Variants in LRRC9 observed in about 807,000 individuals in gnomAD.
The protein encoded by LRRC9 is leucine rich repeat containing 9.
In LRRC9, 122 loss-of-function variants were observed where a neutral mutation model predicts 63.2. That is an observed-to-expected ratio of 1.93 (90% confidence interval 1.67 to 2.24). The LOEUF (loss-of-function observed/expected upper bound fraction) is 2.24, where lower values mean the gene tolerates loss of function less well. Among genes scored for constraint, LRRC9 ranks in the 30% most tolerant of loss-of-function variants. The probability of loss-of-function intolerance (pLI) is 0.00; values close to 1 mark genes in which losing one functional copy is unlikely to be tolerated. For synonymous variants in LRRC9, 366 were observed against 213.1 expected (o/e 1.72, Z -6.25); for missense variants, 1,071 against 627.7 (o/e 1.71, Z -7.55).
chr14:59,977,502 TAC>T (rs2140076374), intron 14 of LRRC9, among the ~76,000 whole-genome samples, 155 bp downstream of exon 14: 1 of 152,144 alleles, frequency 6.6e-6, no homozygotes, highest in Admixed American at 6.5e-5. Flanking sequence ...TTATATTCCC[TAC>T]ATCAAAGACA....
At chr14:60,002,168 C>A in intron 20 of LRRC9, 68 bp downstream of exon 20, 2 of 613,028 alleles carry the variant, frequency 3.3e-6, no homozygotes, top group South Asian at 3.9e-5. Context: ...CAGTGTTGGT[C>A]TGTGTATCAT....
chr14:60,029,322 C>T (rs762234907), intron 28 of LRRC9, among the ~76,000 whole-genome samples: 3 of 152,174 alleles, frequency 2.0e-5, no homozygotes, highest in East Asian at 1.9e-4. Context: ...ACATCACACA[C>T]GCCATCGAGC....
intron 12 of LRRC9, among the ~76,000 whole-genome samples, chr14:59,969,952 G>A (rs1249467609): frequency 6.6e-6 from 1 of 152,102 alleles, no homozygotes; most frequent in Non-Finnish European, 1.5e-5. Flanking sequence ...CTTATATAGT[G>A]TGTCTAAAAC....
Position 59,952,483 on chromosome 14 carries a change from G to T in LRRC9, c.883-7335G>T, listed in dbSNP as rs34355067. Among the ~76,000 whole-genome samples the T allele has an allele frequency of 6.3e-3, 964 of 152,304 alleles. 5 individuals carry two copies. The highest frequency in any genetic ancestry group is 0.01 in the Non-Finnish European group (712 of 68,022). ...TTCTGCGTCGCTCACGCTGGGAGCT[G>T]TAGACCAGAGCTGTTCCTATTCGGC... is the stretch of plus-strand genomic sequence containing the variant. On this transcript the variant is annotated intron_variant, in intron 8 of 31. Coordinates refer to ENST00000445360, the Ensembl canonical transcript of LRRC9.
chr14:59,930,427 C>T lies in LRRC9; in HGVS notation c.268-491C>T, dbSNP rs1889600034. Among the ~76,000 whole-genome samples the T allele has an allele frequency of 6.6e-6, 1 of 151,826 alleles. No individual in the cohort carries two copies. The highest frequency in any genetic ancestry group is 2.4e-5 in the African/African-American group (1 of 41,358). On this transcript the variant is annotated intron_variant, in intron 3 of 31. Transcript: ENST00000445360. The surrounding 1 kb of genome is among the most constrained non-coding windows in gnomAD (Gnocchi z 4.9). ...CTAAAAATTTGAAACATAAATATGC[C>T]ATACATCAGGTAATTTTTCAGAAAA... is the stretch of plus-strand genomic sequence containing the variant.
chr14:60,056,271 G>C (rs1204700171), intron 30 of LRRC9, among the ~76,000 whole-genome samples: 2 of 152,160 alleles, frequency 1.3e-5, no homozygotes, highest in Non-Finnish European at 2.9e-5. Context: ...TCCAGTGAAA[G>C]ACCTATGAAA....
At chr14:59,956,411 G>T (rs528121591) in intron 8 of LRRC9, among the ~76,000 whole-genome samples, 2 of 151,968 alleles carry the variant, frequency 1.3e-5, no homozygotes, top group South Asian at 2.1e-4. Context: ...TGTCTTTTTT[G>T]ATCTTTGCTG....
At chr14:59,939,875 T>C (rs1435608175) in intron 7 of LRRC9, among the ~76,000 whole-genome samples, 1 of 152,002 alleles carries the variant, frequency 6.6e-6, no homozygotes, top group East Asian at 1.9e-4. Flanking sequence ...TATATGAGTC[T>C]ACTATGTAGG....
intron 17 of LRRC9, among the ~76,000 whole-genome samples, chr14:59,992,056 AC>A (rs1488743645): frequency 6.6e-6 from 1 of 151,838 alleles, no homozygotes; most frequent in African/African-American, 2.4e-5. Flanking sequence ...ACTGGGAGGC[AC>A]CCCCCAGTAA....
At chr14:60,002,667 T>C (rs1160917642) in intron 20 of LRRC9, among the ~76,000 whole-genome samples, 1 of 151,932 alleles carries the variant, frequency 6.6e-6, no homozygotes, top group African/African-American at 2.4e-5. Flanking sequence ...TTCCAAAAAA[T>C]AAAAAACAGG....
chr14:59,966,122 A>T lies in LRRC9; in HGVS notation c.1212-467A>T, dbSNP rs1884834260. ...GGTAGTTGGATATTCAAGTCTGGGT[A>T]TAACCAGCTAAGTTGAGTAGAGATC... On this transcript the variant is annotated intron_variant, in intron 10 of 31. Transcript: ENST00000445360. The surrounding 1 kb of genome is among the most constrained non-coding windows in gnomAD (Gnocchi z 4.0). 6.6e-6 allele frequency among the ~76,000 whole-genome samples: 1 copy of T among 152,088 alleles called. No homozygotes were observed. Among genetic ancestry groups the T allele is most frequent in the Non-Finnish European group, 1.5e-5 (1 of 68,016 alleles).
chr14:59,968,289 G>A (rs1318470470), intron 12 of LRRC9, among the ~76,000 whole-genome samples: 1 of 152,142 alleles, frequency 6.6e-6, no homozygotes, highest in African/African-American at 2.4e-5. Context: ...GAGGTAGGGA[G>A]TTACTGTTTA....
chr14:59,932,743 T>C lies in LRRC9; in HGVS notation c.543+704T>C, dbSNP rs952409589. 1.2e-4 allele frequency among the ~76,000 whole-genome samples: 19 copies of C among 152,116 alleles called. No individual in the cohort carries two copies. Among genetic ancestry groups the C allele is most frequent in the African/African-American group, 3.9e-4 (16 of 41,432 alleles). ...ACCAAGCTGATTCAAGACACTATCATCTCTAACCTGCATTAATGAAAAATA... is the reference window on the plus strand; with the variant it reads ...ACCAAGCTGATTCAAGACACTATCACCTCTAACCTGCATTAATGAAAAATA... On this transcript the variant is annotated intron_variant, in intron 6 of 31. Coordinates refer to ENST00000445360, the Ensembl canonical transcript of LRRC9. The surrounding 1 kb of genome is among the most constrained non-coding windows in gnomAD (Gnocchi z 4.7).
intron 23 of LRRC9, among the ~76,000 whole-genome samples, chr14:60,010,514 A>G (rs905695741): frequency 1.9e-4 from 29 of 152,150 alleles, no homozygotes; most frequent in Admixed American, 4.6e-4. Flanking sequence ...GCTGCTGTGA[A>G]GGTCTCTGAC....
Position 59,990,470 on chromosome 14 carries a change from C to A in LRRC9, c.2211+5246C>A, listed in dbSNP as rs748627933. Among the ~76,000 whole-genome samples, 6 of 152,032 alleles carry A rather than the reference C, an allele frequency of 3.9e-5. No homozygotes were observed. The highest frequency in any genetic ancestry group is 8.8e-5 in the Non-Finnish European group (6 of 68,012). ...CCAGGCTGGAATGCAATGGCATAAT[C>A]ATAGAGTACACTGCAGCCTCAACTT... On this transcript the variant is annotated intron_variant, in intron 17 of 31. Transcript: ENST00000445360. The surrounding 1 kb of genome is among the most constrained non-coding windows in gnomAD (Gnocchi z 4.2).
chr14:59,922,594 A>G lies in LRRC9; in HGVS notation c.-34+2711A>G, dbSNP rs780646661. 1.3e-5 allele frequency among the ~76,000 whole-genome samples: 2 copies of G among 152,192 alleles called. No individual in the cohort carries two copies. The highest frequency in any genetic ancestry group is 2.9e-5 in the Non-Finnish European group (2 of 68,026). Reference sequence around the variant, plus strand: ...ATAGGATCAATACATAGGAAAAGGGATTTGTTTTGGACAAAAGGAAGAACA... The same window carrying G: ...ATAGGATCAATACATAGGAAAAGGGGTTTGTTTTGGACAAAAGGAAGAACA... On this transcript the variant is annotated intron_variant, in intron 1 of 31. Transcript: ENST00000445360. This position sits in a 1 kb window ranked among gnomAD's most constrained non-coding sequence, Gnocchi z 5.3.
chr14:60,011,359 C>G (rs1396746505), intron 23 of LRRC9, among the ~76,000 whole-genome samples: 1 of 152,194 alleles, frequency 6.6e-6, no homozygotes, highest in Non-Finnish European at 1.5e-5. Context: ...CACTGGGTCC[C>G]TCCCACAACA....
chr14:59,978,257 T>C, intron 15 of LRRC9, 125 bp downstream of exon 15: 1 of 512,636 alleles, frequency 2.0e-6, no homozygotes, highest in Admixed American at 3.6e-5. Context: ...AATTGTTATT[T>C]TGTGAATAAC....
At chr14:60,061,390 A>C (rs1288075105) in intron 31 of LRRC9, among the ~76,000 whole-genome samples, 1 of 152,222 alleles carries the variant, frequency 6.6e-6, no homozygotes, top group Non-Finnish European at 1.5e-5. Flanking sequence ...CCAACAGCAA[A>C]AAGATTACAA....
Sources: gnomAD v4.1 joint callset for allele counts (sites outside exome capture counted in the v4.1 genomes callset) on GRCh38, gnomAD v4.1.1 for gene constraint, Gnocchi (gnomAD v3.1) non-coding constraint, MANE v1.5 for transcripts, NCBI Gene and HGNC (gene_info 2026-07-23, HGNC 2026-07-21) for gene names.